STAG1: variants seen among roughly 807,000 people sequenced by gnomAD.
The protein encoded by STAG1 is STAG1 cohesin complex component.
STAG1 carries 26 observed loss-of-function variants against 170.9 expected under a neutral mutation model. The ratio of observed to expected loss-of-function variants is 0.15; its 90% CI spans 0.11 to 0.21. The LOEUF (loss-of-function observed/expected upper bound fraction) is 0.21, where lower values mean the gene tolerates loss of function less well. Ranked by LOEUF, STAG1 falls within the 10% of genes least tolerant of loss-of-function variation. The probability of loss-of-function intolerance (pLI) is 1.00; values close to 1 mark genes in which losing one functional copy is unlikely to be tolerated. For missense variants in STAG1, 964 were observed against 1,509.5 expected (o/e 0.64, Z 5.99); for synonymous variants, 514 against 497.7 (o/e 1.03, Z -0.44).
chr3:136,536,305 G>A (rs1306211533), intron 6 of STAG1, among the ~76,000 whole-genome samples: 4 of 152,076 alleles, frequency 2.6e-5, no homozygotes, highest in East Asian at 1.9e-4. Flanking sequence ...GTAAGAAATC[G>A]ATAATAAAAA....
At chr3:136,511,471 A>G (rs767116146) in intron 7 of STAG1, among the ~76,000 whole-genome samples, 28 of 152,374 alleles carry the variant, frequency 1.8e-4, no homozygotes, top group Non-Finnish European at 3.2e-4. Flanking sequence ...CAGCCATAAA[A>G]AAGAACGAGA....
intron 23 of STAG1, 87 bp from the exon 24 acceptor site, chr3:136,369,369 T>G (rs530681201): frequency 1.5e-5 from 16 of 1,039,606 alleles, no homozygotes; most frequent in African/African-American, 1.5e-4. Flanking sequence ...AATTAAAACA[T>G]AGTTTAATAG....
At chr3:136,361,673 C>T (rs1368380891) in intron 26 of STAG1, among the ~76,000 whole-genome samples, 2 of 152,128 alleles carry the variant, frequency 1.3e-5, no homozygotes, top group East Asian at 3.9e-4. Flanking sequence ...GGCAGAGGTG[C>T]AATCATAACT....
chr3:136,514,125 T>C (rs1398520294), intron 7 of STAG1, among the ~76,000 whole-genome samples: 1 of 152,248 alleles, frequency 6.6e-6, no homozygotes, highest in Non-Finnish European at 1.5e-5. Flanking sequence ...TGTAATTTTA[T>C]ATACACTGAA....
rs1935688003 is a variant in STAG1 at position 136,336,615 on chromosome 3, A to G, written c.*1639T>C. 1 of 152,132 alleles carries G rather than the reference A, an allele frequency of 6.6e-6. No homozygotes were observed. Among genetic ancestry groups the G allele is most frequent in the Admixed American group, 6.5e-5 (1 of 15,270 alleles). 9.4% of individuals were successfully genotyped at this position (152,132 alleles called of 1,614,324 possible). ...ACCTTCACTTCCAGTGAAGCCCACA[A>G]TTCTGGGAGAAAGTGAGGCCCCAGC... is the stretch of plus-strand genomic sequence containing the variant. On this transcript the variant is annotated 3_prime_UTR_variant, in exon 34 of 34. Coordinates refer to ENST00000383202, the MANE Select transcript of STAG1 (RefSeq NM_005862.3).
chr3:136,639,259 G>A (rs1402006843), intron 1 of STAG1, among the ~76,000 whole-genome samples: 2 of 151,134 alleles, frequency 1.3e-5, no homozygotes, highest in African/African-American at 2.4e-5. Flanking sequence ...CACTTGAGGC[G>A]AGGAGGTCAA....
intron 1 of STAG1, among the ~76,000 whole-genome samples, chr3:136,646,712 C>A (rs901611778): frequency 1.3e-5 from 2 of 152,026 alleles, no homozygotes; most frequent in African/African-American, 4.8e-5. Flanking sequence ...TCAAGATCAG[C>A]CTGGCCAACA....
intron 1 of STAG1, among the ~76,000 whole-genome samples, chr3:136,664,556 A>G (rs1455948048): frequency 1.3e-5 from 2 of 152,154 alleles, no homozygotes; most frequent in Admixed American, 6.5e-5. Flanking sequence ...ACTAACACCA[A>G]TGGAGCTTTT....
chr3:136,565,019 C>A (rs186592503), intron 5 of STAG1, among the ~76,000 whole-genome samples: 331 of 29,244 alleles, frequency 0.011, 1 homozygote, highest in South Asian at 0.027. Context: ...GGAAGGCAGG[C>A]AGGCAGGCAG....
intron 25 of STAG1, among the ~76,000 whole-genome samples, chr3:136,364,494 T>A (rs930016838): frequency 6.6e-6 from 1 of 151,340 alleles, no homozygotes; most frequent in African/African-American, 2.4e-5. Context: ...TAAAACTGCT[T>A]ACTTCTGGGG....
At chr3:136,746,003 A>G (rs766337156) in intron 1 of STAG1, among the ~76,000 whole-genome samples, 6 of 152,192 alleles carry the variant, frequency 3.9e-5, no homozygotes, top group Non-Finnish European at 7.3e-5. Flanking sequence ...GGTATGTTAT[A>G]TAAAGAAAAG....
In STAG1 at chr3:136,698,012, C is replaced by T. The variant is rs534018229; in HGVS notation, c.-84+54183G>A. Among the ~76,000 whole-genome samples, 11 of 151,356 alleles carry T rather than the reference C, an allele frequency of 7.3e-5. No individual in the cohort carries two copies. The East Asian group carries it at 1.4e-3, about 19-fold the overall frequency. The stretch of plus-strand genomic sequence containing the variant: ...TAACTATATAGACAGAGCAAGATTA[C>T]GTCTTGGGAAAAAAAAAAGAAAGAA... On this transcript the variant is annotated intron_variant, in intron 1 of 33. Transcript: ENST00000383202.
chr3:136,534,721 G>C (rs960638795), intron 6 of STAG1, among the ~76,000 whole-genome samples: 1 of 152,132 alleles, frequency 6.6e-6, no homozygotes, highest in Admixed American at 6.5e-5. Context: ...AGTTGGAATG[G>C]CTATTATTAA....
chr3:136,485,963 C>A (rs58544452), intron 9 of STAG1, among the ~76,000 whole-genome samples: 10,026 of 152,234 alleles, frequency 0.066, 1,086 homozygotes, highest in African/African-American at 0.23. Context: ...AACAATGAGT[C>A]CATGAATATT....
intron 1 of STAG1, among the ~76,000 whole-genome samples, chr3:136,725,279 G>GGTGTGTGT (rs10675753): frequency 2.0e-4 from 30 of 150,900 alleles, no homozygotes; most frequent in African/African-American, 3.6e-4. Flanking sequence ...AAATTATACG[G>GGTGTGTGT]GTGTGTGTGT....
At chr3:136,692,445 C>T (rs1322279234) in intron 1 of STAG1, among the ~76,000 whole-genome samples, 2 of 151,576 alleles carry the variant, frequency 1.3e-5, no homozygotes, top group Non-Finnish European at 2.9e-5. Context: ...GACCAGCCTG[C>T]TTAACATGGT....
chr3:136,349,682 T>A (rs1444820241), intron 28 of STAG1, among the ~76,000 whole-genome samples: 1 of 152,230 alleles, frequency 6.6e-6, no homozygotes, highest in Admixed American at 6.5e-5. Flanking sequence ...AAAAGATTAT[T>A]GAGTTTTCTT....
At chr3:136,563,432 T>G (rs1197134686) in intron 5 of STAG1, among the ~76,000 whole-genome samples, 1 of 152,034 alleles carries the variant, frequency 6.6e-6, no homozygotes, top group Non-Finnish European at 1.5e-5. Context: ...GCTCCAAAAG[T>G]CAGGACTATT....
At chr3:136,604,284 C>T (rs370417394) in intron 4 of STAG1, 25 bp downstream of exon 4, 22 of 1,596,950 alleles carry the variant, frequency 1.4e-5, no homozygotes, top group Non-Finnish European at 1.8e-5. Context: ...TTGCTTTATA[C>T]GTGAAATAAA....
Sources: gnomAD v4.1 joint callset for allele counts (sites outside exome capture counted in the v4.1 genomes callset) on GRCh38, gnomAD v4.1.1 for gene constraint, MANE v1.5 for transcripts, NCBI Gene and HGNC (gene_info 2026-07-23, HGNC 2026-07-21) for gene names.